The following DOCK10 variants were observed in gnomAD, a reference collection of about 807,000 sequenced individuals.
The protein encoded by DOCK10 is dedicator of cytokinesis 10.
A neutral mutation model predicts 280.1 loss-of-function variants in DOCK10; 145 were observed. The ratio of observed to expected loss-of-function variants is 0.52; its 90% CI spans 0.45 to 0.59. The LOEUF (loss-of-function observed/expected upper bound fraction) is 0.59, where lower values mean the gene tolerates loss of function less well. DOCK10 is among the 20% of genes least tolerant of loss of function. DOCK10 has a pLI of 0.00. For synonymous variants in DOCK10, 915 were observed against 942.2 expected, an observed-to-expected ratio of 0.97 and a Z score of 0.53; for missense variants, 2,368 against 2,651.7, an observed-to-expected ratio of 0.89 and a Z score of 2.35.
rs375916650 is a variant in DOCK10 at position 224,808,056 on chromosome 2, A to G, written c.3440T>C (p.Phe1147Ser). The G allele has an allele frequency of 2.0e-5, 33 of 1,612,318 alleles. No individual in the cohort carries two copies. The highest frequency in any genetic ancestry group is 2.5e-5 in the Non-Finnish European group (30 of 1,179,190). Residue 1147 changes from phenylalanine to serine, a missense_variant, in exon 32 of 56, where the codon TTT becomes TCT. Phe to Ser is a radical substitution (Grantham distance 155). Around this residue, in one of 2 missense-constraint regions of DOCK10, gnomAD observed 1,159 missense variants for 1,400.8 expected, o/e 0.83. Transcript: ENST00000258390. ...DMPEYSVTNE[F>S]CRKHFLIGIL... ...TCCGATTAAGAAGTGTTTGCGACAA[A>G]ATTCATTTGTGACTGAATATTCAGG...
intron 19 of DOCK10, among the ~76,000 whole-genome samples, chr2:224,845,883 C>T (rs1696316711): frequency 1.3e-5 from 2 of 152,204 alleles, no homozygotes; most frequent in Non-Finnish European, 2.9e-5. Flanking sequence ...ACTATCATGC[C>T]AAGCTAATTT....
intron 7 of DOCK10, among the ~76,000 whole-genome samples, chr2:224,881,880 C>A (rs566700220): frequency 6.6e-6 from 1 of 152,230 alleles, no homozygotes; most frequent in Admixed American, 6.5e-5. Context: ...GCATTCTCCA[C>A]GTCTACATAG....
chr2:225,035,570 AT>A (rs1393525048), intron 1 of DOCK10, among the ~76,000 whole-genome samples: 2,023 of 58,224 alleles, frequency 0.035, 224 homozygotes, highest in African/African-American at 0.091. Context: ...ATATATATAT[AT>A]ATATATATAT....
At chr2:224,886,226 G>A (rs1442492557) in intron 5 of DOCK10, 41 bp from the exon 6 acceptor site, 2 of 1,612,026 alleles carry the variant, frequency 1.2e-6, no homozygotes, top group Non-Finnish European at 1.7e-6. Flanking sequence ...ATCTTTTGTG[G>A]ATCCTAGATC....
At chr2:224,804,054 T>C in intron 39 of DOCK10, 58 bp downstream of exon 39, 1 of 975,016 alleles carries the variant, frequency 1.0e-6, no homozygotes, top group African/African-American at 1.6e-5. Flanking sequence ...CATGTGCATA[T>C]ACAGACACAC....
chr2:224,808,316 A>G (rs547897671), intron 31 of DOCK10, among the ~76,000 whole-genome samples: 1 of 152,312 alleles, frequency 6.6e-6, no homozygotes, highest in African/African-American at 2.4e-5. Context: ...CACAACATCA[A>G]CTTTTGAATT....
chr2:224,830,920 T>TTTTA (rs61701805), intron 26 of DOCK10, among the ~76,000 whole-genome samples: 11,397 of 148,584 alleles, frequency 0.077, 508 homozygotes, highest in Admixed American at 0.11. Flanking sequence ...CTAAACAAAC[T>TTTTA]TTTATTTATT....
intron 1 of DOCK10, among the ~76,000 whole-genome samples, chr2:224,945,811 C>T (rs1291655921): frequency 2.0e-5 from 3 of 152,148 alleles, no homozygotes; most frequent in East Asian, 1.9e-4. Context: ...CTCCCGGAGA[C>T]GTTTAGCAAT....
chr2:225,027,234 C>G (rs972849446), intron 1 of DOCK10, among the ~76,000 whole-genome samples: 1 of 152,212 alleles, frequency 6.6e-6, no homozygotes, highest in Non-Finnish European at 1.5e-5. Context: ...CCAGGCCCCA[C>G]TAGTCACCTT....
At chr2:224,961,418 CTTTCTTTCTTTCTT>C (rs1321743283) in intron 1 of DOCK10, among the ~76,000 whole-genome samples, 4 of 100,252 alleles carry the variant, frequency 4.0e-5, no homozygotes, top group African/African-American at 1.6e-4. Context: ...CTTTCTCTTT[CTTTCTTTCTTTCTT>C]TCTTTCTTTC....
chr2:224,823,529 G>A lies in DOCK10; in HGVS notation c.3155C>T (p.Ala1052Val), dbSNP rs1463416338. 1 of 1,607,066 alleles carries A rather than the reference G, an allele frequency of 6.2e-7. No homozygotes were observed. Among genetic ancestry groups the A allele is most frequent in the African/African-American group, 1.3e-5 (1 of 74,464 alleles). Residue 1052 changes from alanine to valine, a missense_variant, in exon 28 of 56, where the codon GCA (alanine) becomes GTA (valine). Ala to Val is a moderately conservative substitution (Grantham distance 64). Coordinates refer to ENST00000258390, the MANE Select transcript of DOCK10 (RefSeq NM_014689.3). Reference sequence around the variant, plus strand: ...GAGAAATCTGGCAACGCTGTGGTTTGCCCTTCTTGTTTCTTCAAGTGCATC... The same window carrying A: ...GAGAAATCTGGCAACGCTGTGGTTTACCCTTCTTGTTTCTTCAAGTGCATC... ...YKDALEETRR[A>V]NHSVARFLKR... is the part of the protein sequence containing the mutation.
At chr2:224,810,508 A>T (rs1693690955) in intron 31 of DOCK10, among the ~76,000 whole-genome samples, 1 of 151,694 alleles carries the variant, frequency 6.6e-6, no homozygotes, top group African/African-American at 2.4e-5. Context: ...TTATACTTTA[A>T]GTTTTAGGGT....
At chr2:224,852,352 G>A (rs1165708210) in intron 18 of DOCK10, 25 bp downstream of exon 18, 25 of 1,552,878 alleles carry the variant, frequency 1.6e-5, no homozygotes, top group Non-Finnish European at 2.2e-5. Context: ...ACTTTATGCT[G>A]GGTCCCTTTG....
rs537129506 is a variant in DOCK10, at chr2:224,848,271, G to C, written c.2235+1236C>G. Reference sequence around the variant, plus strand: ...TGCTAAATGGTGATAATGTGTGAAAGCAGCCATAGAAAACGTCTACAAAAG... The same window carrying C: ...TGCTAAATGGTGATAATGTGTGAAACCAGCCATAGAAAACGTCTACAAAAG... On this transcript the variant is annotated intron_variant, in intron 19 of 55. Coordinates refer to ENST00000258390, the MANE Select transcript of DOCK10 (RefSeq NM_014689.3). Among the ~76,000 whole-genome samples the C allele has an allele frequency of 1.7e-3, 261 of 152,340 alleles. 1 individual carries two copies. The Middle Eastern group carries it at 0.021, about 12-fold the overall frequency.
intron 3 of DOCK10, among the ~76,000 whole-genome samples, chr2:224,903,049 G>C (rs1429526079): frequency 6.6e-6 from 1 of 152,326 alleles, no homozygotes; most frequent in East Asian, 1.9e-4. Context: ...AGTGAGCCGA[G>C]ATTGCGCCAC....
At chr2:225,029,168 T>A (rs914669700) in intron 1 of DOCK10, among the ~76,000 whole-genome samples, 2 of 152,100 alleles carry the variant, frequency 1.3e-5, no homozygotes, top group Non-Finnish European at 1.5e-5. Flanking sequence ...TATTTTATTT[T>A]ATTTATTTAT....
intron 1 of DOCK10, among the ~76,000 whole-genome samples, chr2:225,040,186 C>T (rs189535742): frequency 7.1e-4 from 108 of 152,282 alleles, no homozygotes; most frequent in Non-Finnish European, 8.4e-4. Context: ...AGAATCCCAC[C>T]GAGTTCAGGT....
chr2:224,956,585 C>T (rs1356199821), intron 1 of DOCK10, among the ~76,000 whole-genome samples: 14 of 144,228 alleles, frequency 9.7e-5, no homozygotes, highest in African/African-American at 3.6e-4. Context: ...GATTGCACCA[C>T]TGCGCTCCAG....
At chr2:224,938,633 A>G (rs192059665) in intron 1 of DOCK10, among the ~76,000 whole-genome samples, 105 of 152,344 alleles carry the variant, frequency 6.9e-4, no homozygotes, top group African/African-American at 2.5e-3. Flanking sequence ...TAGAAGAAAT[A>G]GAAGATCTAA....
Sources: allele counts gnomAD v4.1 joint callset (sites outside exome capture counted in the v4.1 genomes callset), GRCh38; gene constraint gnomAD v4.1.1; regional missense constraint gnomAD v4.1.1; transcripts MANE v1.5; gene names NCBI Gene and HGNC (gene_info 2026-07-23, HGNC 2026-07-21).